Variants in NRIP1 observed in about 807,000 individuals in gnomAD.
NRIP1 encodes the protein nuclear receptor interacting protein 1, also known as nuclear receptor-interacting protein 1.
In NRIP1, 28 loss-of-function variants were observed where a neutral mutation model predicts 75.0. The ratio of observed to expected loss-of-function variants is 0.37; its 90% confidence interval spans 0.28 to 0.51. The LOEUF is 0.51. NRIP1 is among the 20% of genes least tolerant of loss of function. The probability of loss-of-function intolerance (pLI) is 0.92; values close to 1 mark genes in which losing one functional copy is unlikely to be tolerated. For synonymous variants in NRIP1, 526 were observed against 487.6 expected (o/e 1.08, Z -1.04); for missense variants, 1,435 against 1,343.7 (o/e 1.07, Z -1.06).
chr21:15,009,990 A>T (rs1363614010), intron 3 of NRIP1, among the ~76,000 whole-genome samples: 1 of 152,198 alleles, frequency 6.6e-6, no homozygotes, highest in Non-Finnish European at 1.5e-5. Context: ...GAGGAGGTGC[A>T]GAGAGGGGCG....
In NRIP1 at chr21:14,964,948, C is replaced by T. The variant is rs374062940; in HGVS notation, c.3245G>A (p.Arg1082Gln). 6 of 1,613,816 alleles carry T rather than the reference C, an allele frequency of 3.7e-6. No individual in the cohort carries two copies. Among genetic ancestry groups the T allele is most frequent in the East Asian group, 2.2e-5 (1 of 44,888 alleles). Reference sequence around the variant, plus strand: ...CCAAATGTCCTTGTCTTGTGTTTCTCGACTGGTAACAGAATTGCCTCCTTT... The same window carrying T: ...CCAAATGTCCTTGTCTTGTGTTTCTTGACTGGTAACAGAATTGCCTCCTTT... ...LQKGGNSVTS[R>Q]ETQDKDIWRE... Residue 1082 changes from arginine (R) to glutamine (Q), a missense_variant, in exon 4 of 4, where the codon CGA becomes CAA. By Grantham distance (43) the Arg-to-Gln change is conservative. Coordinates refer to ENST00000318948, the MANE Select transcript of NRIP1 (RefSeq NM_003489.4).
intron 3 of NRIP1, among the ~76,000 whole-genome samples, chr21:15,012,504 G>C (rs1724062265): frequency 7.9e-6 from 1 of 126,692 alleles, no homozygotes; most frequent in South Asian, 2.5e-4. Flanking sequence ...ACCCAGGCTG[G>C]AGTGCAGTGG....
intron 1 of NRIP1, among the ~76,000 whole-genome samples, chr21:15,044,060 C>T (rs1013331837): frequency 6.6e-6 from 1 of 152,114 alleles, no homozygotes. Flanking sequence ...CTCAGGTGAT[C>T]CACCTGCCTC....
intron 3 of NRIP1, among the ~76,000 whole-genome samples, chr21:15,010,941 A>G (rs891424906): frequency 6.6e-6 from 1 of 152,222 alleles, no homozygotes; most frequent in Non-Finnish European, 1.5e-5. Flanking sequence ...CACTAGTGAG[A>G]AGGCCAAATT....
intron 2 of NRIP1, among the ~76,000 whole-genome samples, chr21:15,015,950 A>G (rs1246826251): frequency 1.3e-5 from 2 of 152,238 alleles, no homozygotes; most frequent in Non-Finnish European, 2.9e-5. Context: ...AAAACTCCTA[A>G]GAGGCAGTGC....
chr21:14,998,107 G>C (rs992944095), intron 3 of NRIP1, among the ~76,000 whole-genome samples: 1 of 152,124 alleles, frequency 6.6e-6, no homozygotes, highest in African/African-American at 2.4e-5. Flanking sequence ...TTGGCTTTCT[G>C]ATCATTTCTC....
chr21:14,965,673 T>C lies in NRIP1; in HGVS notation c.2520A>G (p.Arg840=), dbSNP rs750058770. 6.2e-7 allele frequency: 1 copy of C among 1,613,594 alleles called. No homozygotes were observed. Among genetic ancestry groups the C allele is most frequent in the Admixed American group, 1.7e-5 (1 of 59,986 alleles). ...ATTCTAGAAGTGCCATTTCATTATTTCTGTGACTCCTGTCTGAATCATCTG... is the reference window on the plus strand; with the variant it reads ...ATTCTAGAAGTGCCATTTCATTATTCCTGTGACTCCTGTCTGAATCATCTG... ...YLADDSDRSH[R]NNEMALLESK... Residue 840 remains arginine (R), a synonymous_variant, in exon 4 of 4, where the codon AGA becomes AGG. Coordinates refer to ENST00000318948, the MANE Select transcript of NRIP1 (RefSeq NM_003489.4).
At chr21:15,050,661 A>T (rs1253674424) in intron 1 of NRIP1, 1 of 447,060 alleles carries the variant, frequency 2.2e-6, no homozygotes, top group Admixed American at 2.4e-5. Flanking sequence ...CTACCCTTAA[A>T]GCAAGTACAT....
intron 2 of NRIP1, among the ~76,000 whole-genome samples, chr21:15,028,287 C>A (rs1313551723): frequency 6.6e-6 from 1 of 152,164 alleles, no homozygotes; most frequent in Non-Finnish European, 1.5e-5. Context: ...AGCCATTCAT[C>A]CTGATAAACT....
chr21:14,990,974 C>T (rs73172308), intron 3 of NRIP1, among the ~76,000 whole-genome samples: 2,645 of 152,146 alleles, frequency 0.017, 53 homozygotes, highest in African/African-American at 0.052. Context: ...GCTCTACGTG[C>T]TTCTCGTTTC....
intron 3 of NRIP1, among the ~76,000 whole-genome samples, chr21:14,998,239 G>A (rs2087775955): frequency 6.6e-6 from 1 of 152,158 alleles, no homozygotes; most frequent in South Asian, 2.1e-4. Context: ...GTGAATTTTG[G>A]ATGGACCTTC....
At chr21:15,023,880 A>G (rs2088440922) in intron 2 of NRIP1, among the ~76,000 whole-genome samples, 1 of 152,230 alleles carries the variant, frequency 6.6e-6, no homozygotes, top group African/African-American at 2.4e-5. Flanking sequence ...AGATCATCAC[A>G]CAGAGAAAAT....
chr21:15,056,722 A>G (rs2046785524), intron 1 of NRIP1, among the ~76,000 whole-genome samples: 1 of 152,196 alleles, frequency 6.6e-6, no homozygotes, highest in Non-Finnish European at 1.5e-5. Flanking sequence ...GCAACTCAAA[A>G]TCCAAAGCAC....
intron 2 of NRIP1, among the ~76,000 whole-genome samples, chr21:15,020,761 A>C (rs980296716): frequency 6.6e-6 from 1 of 152,188 alleles, no homozygotes; most frequent in Non-Finnish European, 1.5e-5. Flanking sequence ...TCACCAAAGA[A>C]GACATGTGAA....
chr21:15,036,598 A>AG (rs112167954), intron 2 of NRIP1, among the ~76,000 whole-genome samples: 39 of 146,574 alleles, frequency 2.7e-4, no homozygotes, highest in Non-Finnish European at 5.1e-4. Flanking sequence ...GTTTTTTTGG[A>AG]GGGGGGGATA....
rs9680176 is a variant in NRIP1 at position 15,021,605 on chromosome 21, T to C, written c.-457-7139A>G. 4.1e-3 allele frequency among the ~76,000 whole-genome samples: 623 copies of C among 152,262 alleles called. 7 individuals are homozygous for C. Among genetic ancestry groups the C allele is most frequent in the African/African-American group, 0.014 (594 of 41,550 alleles). On this transcript the variant is annotated intron_variant, in intron 2 of 3. Coordinates refer to ENST00000318948, the MANE Select transcript of NRIP1 (RefSeq NM_003489.4). ...CCATGAAAAACAAAAATAAAAATGATATATTACATACAAAATCATAAATTT... is the reference window on the plus strand; with the variant it reads ...CCATGAAAAACAAAAATAAAAATGACATATTACATACAAAATCATAAATTT...
At chr21:15,031,123 A>G (rs8128981) in intron 2 of NRIP1, among the ~76,000 whole-genome samples, 796 of 25,938 alleles carry the variant, frequency 0.031, 1 homozygote, top group Middle Eastern at 0.15. Flanking sequence ...TTCTATGTGT[A>G]TACACTCTGG....
chr21:14,991,040 C>T (rs993231874), intron 3 of NRIP1, among the ~76,000 whole-genome samples: 3 of 151,952 alleles, frequency 2.0e-5, no homozygotes, highest in African/African-American at 7.3e-5. Context: ...CTTAAATAAA[C>T]TCTGATGGCT....
At chr21:14,972,896 G>A (rs764340253) in intron 3 of NRIP1, among the ~76,000 whole-genome samples, 7 of 152,194 alleles carry the variant, frequency 4.6e-5, no homozygotes, top group African/African-American at 1.4e-4. Context: ...GAGCTCAGGC[G>A]GTAATGCTTG....
Sources: allele counts gnomAD v4.1 joint callset (sites outside exome capture counted in the v4.1 genomes callset), GRCh38; gene constraint gnomAD v4.1.1; transcripts MANE v1.5; gene names NCBI Gene and HGNC (gene_info 2026-07-23, HGNC 2026-07-21).